The following BLMH variants were observed in gnomAD, a reference collection of about 807,000 sequenced individuals.
BLMH encodes BLM hydrolase.
A neutral mutation model predicts 61.6 loss-of-function variants in BLMH; 32 were observed. The ratio of observed to expected loss-of-function variants is 0.52; its 90% CI spans 0.39 to 0.70. BLMH has a LOEUF of 0.70. Among genes scored for constraint, BLMH ranks in the 30% least tolerant of loss-of-function variants. The pLI, the probability that BLMH is intolerant of heterozygous loss-of-function variation, is 0.00. For synonymous variants in BLMH, 183 were observed against 193.8 expected (o/e 0.94, Z 0.46); for missense variants, 460 against 555.5 (o/e 0.83, Z 1.73).
intron 6 of BLMH, among the ~76,000 whole-genome samples, chr17:30,274,708 G>A (rs991447185): frequency 6.6e-6 from 1 of 152,156 alleles, no homozygotes; most frequent in African/African-American, 2.4e-5. Flanking sequence ...AGGGCCAGGT[G>A]CAGTGGTTCA....
intron 10 of BLMH, among the ~76,000 whole-genome samples, chr17:30,268,252 T>C (rs1026016717): frequency 6.6e-6 from 1 of 152,216 alleles, no homozygotes; most frequent in African/African-American, 2.4e-5. Context: ...GTTTTCCCCT[T>C]GGCCAATGAA....
chr17:30,266,859 A>G (rs570091840), intron 11 of BLMH, 26 bp downstream of exon 11: 2 of 1,606,292 alleles, frequency 1.2e-6, no homozygotes, highest in Non-Finnish European at 1.7e-6. Flanking sequence ...AGTCACCTGG[A>G]GTTAGTATTA....
At chr17:30,252,343 C>A (rs1324817342) in intron 11 of BLMH, 1 of 152,002 alleles carries the variant, frequency 6.6e-6, no homozygotes, top group East Asian at 1.9e-4. Flanking sequence ...TCCTGTTTTT[C>A]ACCCGACAGA....
chr17:30,261,757 C>A (rs1907966077), intron 11 of BLMH, among the ~76,000 whole-genome samples: 1 of 152,188 alleles, frequency 6.6e-6, no homozygotes, highest in Non-Finnish European at 1.5e-5. Flanking sequence ...TCACTTGTGG[C>A]AGTTGGGCTG....
intron 6 of BLMH, among the ~76,000 whole-genome samples, chr17:30,279,757 G>C (rs535989596): frequency 6.6e-6 from 1 of 152,148 alleles, no homozygotes; most frequent in East Asian, 1.9e-4. Flanking sequence ...AGCTGTGATC[G>C]TAACACTGCA....
At chr17:30,273,345 T>G (rs1908331031) in intron 7 of BLMH, 1 of 162,170 alleles carries the variant, frequency 6.2e-6, no homozygotes, top group South Asian at 1.7e-4. Context: ...TTTTGTATTT[T>G]TAGTAGAGAC....
chr17:30,291,044 T>C (rs1018735175), intron 2 of BLMH: 35 of 472,226 alleles, frequency 7.4e-5, no homozygotes, highest in African/African-American at 5.8e-5. Context: ...CCACACAGCA[T>C]TGGAACATAA....
At chr17:30,253,595 C>T (rs987480089) in intron 11 of BLMH, among the ~76,000 whole-genome samples, 1 of 152,156 alleles carries the variant, frequency 6.6e-6, no homozygotes, top group South Asian at 2.1e-4. Context: ...AGGCAGGATT[C>T]GGCTGGCCCT....
At chr17:30,250,813 C>G (rs1907649068) in intron 11 of BLMH, among the ~76,000 whole-genome samples, 1 of 152,110 alleles carries the variant, frequency 6.6e-6, no homozygotes, top group Non-Finnish European at 1.5e-5. Flanking sequence ...TTCACAACTA[C>G]AAAAACATGG....
Position 30,249,081 on chromosome 17 carries a change from G to C in BLMH, c.1304C>G (p.Ala435Gly), listed in dbSNP as rs201993908. 1 of 1,614,096 alleles carries C rather than the reference G, an allele frequency of 6.2e-7. No individual in the cohort carries two copies. Among genetic ancestry groups the C allele is most frequent in the African/African-American group, 1.3e-5 (1 of 75,014 alleles). Reference sequence around the variant, plus strand: ...GATAATGGGTTCCTGCTCTAACACAGCTAGCACCTCTTCAGGGACATGCTT... The same window carrying C: ...GATAATGGGTTCCTGCTCTAACACACCTAGCACCTCTTCAGGGACATGCTT... Reference protein sequence around the residue: ...DRKHVPEEVLAVLEQEPIILP... With the variant: ...DRKHVPEEVLGVLEQEPIILP... Residue 435 changes from alanine (A) to glycine (G), a missense_variant, in exon 12 of 12, where the codon GCT becomes GGT. Physicochemically the swap from Ala to Gly is moderately conservative, Grantham distance 60. Around this residue, in one of 5 missense-constraint regions of BLMH, gnomAD observed 310 missense variants for 371.1 expected, o/e 0.84. Coordinates refer to ENST00000261714, the MANE Select transcript of BLMH (RefSeq NM_000386.4).
At chr17:30,273,074 G>C in intron 7 of BLMH, 175 bp from the exon 8 acceptor site, 2 of 648,290 alleles carry the variant, frequency 3.1e-6, no homozygotes, top group Non-Finnish European at 5.2e-6. Context: ...ACATGTGAGA[G>C]AGGTCCTTGC....
intron 6 of BLMH, among the ~76,000 whole-genome samples, chr17:30,285,138 A>G (rs1908692171): frequency 6.6e-6 from 1 of 152,214 alleles, no homozygotes; most frequent in Non-Finnish European, 1.5e-5. Context: ...AAGGTATTTA[A>G]TATTTATGAA....
At chr17:30,279,713 G>A (rs1009530459) in intron 6 of BLMH, among the ~76,000 whole-genome samples, 3 of 152,084 alleles carry the variant, frequency 2.0e-5, no homozygotes, top group African/African-American at 7.2e-5. Flanking sequence ...GAGGTGGGAG[G>A]ATAACTTGAG....
intron 11 of BLMH, among the ~76,000 whole-genome samples, chr17:30,253,382 A>G (rs1907723193): frequency 6.6e-6 from 1 of 152,218 alleles, no homozygotes; most frequent in African/African-American, 2.4e-5. Flanking sequence ...ACCCGCCTTG[A>G]TTAGTCTCTC....
intron 6 of BLMH, among the ~76,000 whole-genome samples, chr17:30,282,851 T>C (rs1208187435): frequency 6.6e-6 from 1 of 152,212 alleles, no homozygotes; most frequent in African/African-American, 2.4e-5. Context: ...ATTTGGGGGA[T>C]TGTAAAAATT....
chr17:30,285,524 C>T, intron 5 of BLMH, 44 bp from the exon 6 acceptor site: 1 of 1,507,508 alleles, frequency 6.6e-7, no homozygotes, highest in Non-Finnish European at 9.1e-7. Context: ...TACCCGAATT[C>T]AATTGTAAAT....
Position 30,271,305 on chromosome 17 carries a change from G to A in BLMH, c.1112C>T (p.Thr371Ile). 2 of 1,614,070 alleles carry A rather than the reference G, an allele frequency of 1.2e-6. No individual in the cohort carries two copies. The highest frequency in any genetic ancestry group is 1.7e-6 in the Non-Finnish European group (2 of 1,179,940). Residue 371 changes from threonine (T) to isoleucine (I), a missense_variant, in exon 10 of 12, where the codon ACC (threonine) becomes ATC (isoleucine). Thr to Ile is a moderately conservative substitution (Grantham distance 89, BLOSUM62 -1). Transcript: ENST00000261714. ...ERLTFGESLM[T>I]HAMTFTAVSE... ...GACAGCAGTGAAGGTCATGGCGTGG[G>A]TCATAAGTGACTCACCAAAAGTCAG...
intron 3 of BLMH, 134 bp downstream of exon 3, chr17:30,289,239 C>T: frequency 2.2e-6 from 1 of 461,548 alleles, no homozygotes; most frequent in Non-Finnish European, 3.7e-6. Context: ...TTTTGATACT[C>T]TGGAAGTCAG....
chr17:30,260,051 A>C (rs2143020366), intron 11 of BLMH, among the ~76,000 whole-genome samples: 3 of 152,232 alleles, frequency 2.0e-5, no homozygotes, highest in Middle Eastern at 6.8e-3. Context: ...TAGCAATGGG[A>C]GCTAATATTT....
Sources: allele counts gnomAD v4.1 joint callset (sites outside exome capture counted in the v4.1 genomes callset), GRCh38; gene constraint gnomAD v4.1.1; regional missense constraint gnomAD v4.1.1; transcripts MANE v1.5; gene names NCBI Gene and HGNC (gene_info 2026-07-23, HGNC 2026-07-21).